The following NLRP2 variants were observed in gnomAD, a reference collection of about 807,000 sequenced individuals.
NLRP2 encodes the protein NLR family pyrin domain containing 2.
In NLRP2, 107 loss-of-function variants were observed where a neutral mutation model predicts 97.2. The observed-to-expected ratio is 1.10, with a 90% confidence interval of 0.94 to 1.29. The LOEUF is 1.29. Among genes scored for constraint, NLRP2 ranks in the 50% most tolerant of loss-of-function variants. The pLI, the probability that NLRP2 is intolerant of heterozygous loss-of-function variation, is 0.00. For synonymous variants in NLRP2, 663 were observed against 551.5 expected, an observed-to-expected ratio of 1.20 and a Z score of -2.83; for missense variants, 1,495 against 1,330.3, an observed-to-expected ratio of 1.12 and a Z score of -1.93.
At chr19:54,997,601 C>A in intron 12 of NLRP2, 114 bp downstream of exon 12, 2 of 1,078,062 alleles carry the variant, frequency 1.9e-6, no homozygotes, top group East Asian at 2.4e-5. Flanking sequence ...TACAGGTTCC[C>A]GCCATCACAC....
At chr19:54,983,864 G>GGAATTAGGAATTGGGGCTTTTTAT in intron 6 of NLRP2, 136 bp downstream of exon 6, 1 of 1,326,142 alleles carries the variant, frequency 7.5e-7, no homozygotes, top group Non-Finnish European at 1.1e-6. Context: ...GTTTGTTTTT[G>GGAATTAGGAATTGGGGCTTTTTAT]TTTTGAGATG....
intron 7 of NLRP2, among the ~76,000 whole-genome samples, chr19:54,985,603 A>G (rs2072003540): frequency 6.9e-6 from 1 of 144,976 alleles, no homozygotes; most frequent in Non-Finnish European, 1.5e-5. Context: ...ACTTGAACCC[A>G]GGAGGCGGAG....
Position 54,974,532 on chromosome 19 carries a change from C to T in NLRP2, c.313C>T (p.Pro105Ser). The change falls in exon 3 of 13, where the codon CCT (proline) becomes TCT (serine). Residue 105 changes from proline (P) to serine (S), a missense_variant. Coordinates refer to ENST00000448584, the MANE Select transcript of NLRP2 (RefSeq NM_017852.5). ...AALKSFNKRK[P>S]LSLGITRKER... ...TTTGAAATCCTTTAATAAAAGGAAG[C>T]CTCTATCATTAGGTAAGTTACCTCA... The T allele has an allele frequency of 6.2e-7, 1 of 1,604,970 alleles. No homozygotes were observed. The highest frequency in any genetic ancestry group is 8.5e-7 in the Non-Finnish European group (1 of 1,171,732).
chr19:54,975,287 A>T (rs1241643215), intron 3 of NLRP2, among the ~76,000 whole-genome samples: 5 of 143,324 alleles, frequency 3.5e-5, no homozygotes, highest in Non-Finnish European at 7.5e-5. Context: ...TGCCTGGCTA[A>T]TTTTTTTCAC....
intron 10 of NLRP2, 108 bp from the exon 11 acceptor site, chr19:54,994,161 A>G: frequency 8.6e-7 from 1 of 1,161,836 alleles, no homozygotes; most frequent in South Asian, 1.2e-5. Flanking sequence ...TTTCCATGTC[A>G]CCACTGTCTC....
intron 6 of NLRP2, among the ~76,000 whole-genome samples, chr19:54,984,053 G>C (rs1225655668): frequency 2.0e-5 from 3 of 152,132 alleles, no homozygotes; most frequent in Non-Finnish European, 4.4e-5. Context: ...ATCTCAGCAT[G>C]TTGGCCAGTC....
intron 8 of NLRP2, among the ~76,000 whole-genome samples, chr19:54,989,033 C>G (rs896979904): frequency 1.3e-5 from 2 of 152,000 alleles, no homozygotes; most frequent in African/African-American, 4.8e-5. Context: ...TCTCGGCTTA[C>G]TGCAACCTCC....
intron 3 of NLRP2, among the ~76,000 whole-genome samples, chr19:54,976,350 G>A (rs1192525661): frequency 6.6e-6 from 1 of 150,796 alleles, no homozygotes; most frequent in Non-Finnish European, 1.5e-5. Context: ...ACTGCGCCTG[G>A]TCTCATGAAG....
Position 54,986,242 on chromosome 19 carries a change from A to G in NLRP2, c.2293A>G (p.Asn765Asp). Residue 765 changes from asparagine (N) to aspartate (D), a missense_variant, in exon 8 of 13, where the codon AAT becomes GAT. Coordinates refer to ENST00000448584, the MANE Select transcript of NLRP2 (RefSeq NM_017852.5). ...KTVTYLTLQGNDQDDMFPALC... is the reference protein window; with the variant it reads ...KTVTYLTLQGDDQDDMFPALC... ...TGTAACGTATCTGACCCTTCAAGGC[A>G]ATGACCAGGATGATATGTTTCCCGC... 4.3e-6 allele frequency: 7 copies of G among 1,613,968 alleles called. No homozygotes were observed. Among genetic ancestry groups the G allele is most frequent in the Non-Finnish European group, 5.9e-6 (7 of 1,179,886 alleles).
rs2071802866 is a variant in NLRP2, at chr19:54,983,561, G to T, written c.1863G>T (p.Val621=). The T allele has an allele frequency of 3.1e-6, 5 of 1,614,048 alleles. No homozygotes were observed. Among genetic ancestry groups the T allele is most frequent in the African/African-American group, 1.3e-5 (1 of 74,928 alleles). Residue 621 remains valine (V), a synonymous_variant, in exon 6 of 13, where the codon GTG becomes GTT. Transcript: ENST00000448584. ...ESQEEELVKE[V]MAQFKEISLH... is the part of the protein sequence containing the mutation. ...AGGAGGAGGAGCTGGTGAAGGAGGT[G>T]ATGGCTCAGTTCAAAGAAATATCCC...
chr19:54,973,759 G>A (rs1238044669), intron 2 of NLRP2: 2 of 525,578 alleles, frequency 3.8e-6, no homozygotes, highest in Non-Finnish European at 7.5e-6. Context: ...ACTTACGAAG[G>A]TCTGGGCTCT....
chr19:54,971,986 G>A (rs556712770), intron 2 of NLRP2, among the ~76,000 whole-genome samples: 299 of 139,564 alleles, frequency 2.1e-3, no homozygotes, highest in Middle Eastern at 0.011. Context: ...GTCCCACCAT[G>A]CCTGGCTGAT....
chr19:54,980,473 C>T lies in NLRP2; in HGVS notation c.398-1144C>T, dbSNP rs544486346. On this transcript the variant is annotated intron_variant, in intron 4 of 12. Transcript: ENST00000448584. ...CCTCCCAAAGTGCTGGGATTACAGG[C>T]GTGAGCCACCGCGCCCAGCCGCGGG... 5.9e-5 allele frequency among the ~76,000 whole-genome samples: 9 copies of T among 152,298 alleles called. No homozygotes were observed. In the South Asian group the frequency reaches 1.9e-3, roughly 32 times the overall value.
intron 11 of NLRP2, among the ~76,000 whole-genome samples, 161 bp from the exon 12 acceptor site, chr19:54,997,156 C>T (rs907544390): frequency 5.9e-5 from 9 of 152,158 alleles, no homozygotes; most frequent in Non-Finnish European, 1.3e-4. Context: ...CCATCCACCT[C>T]GGCCTCCCAA....
intron 3 of NLRP2, among the ~76,000 whole-genome samples, chr19:54,975,644 G>A (rs1454441918): frequency 3.3e-5 from 5 of 151,558 alleles, no homozygotes; most frequent in Non-Finnish European, 7.4e-5. Context: ...AGTAGAGACG[G>A]GGTTTCACCG....
intron 7 of NLRP2, 101 bp downstream of exon 7, chr19:54,985,318 T>A: frequency 1.8e-6 from 2 of 1,093,770 alleles, no homozygotes; most frequent in Admixed American, 3.5e-5. Flanking sequence ...GACTCTTAAG[T>A]GCTCGAGACA....
At chr19:54,979,000 T>C (rs778062450) in intron 4 of NLRP2, among the ~76,000 whole-genome samples, 4 of 151,780 alleles carry the variant, frequency 2.6e-5, no homozygotes, top group Non-Finnish European at 4.4e-5. Context: ...TTTTTTTGTT[T>C]TTGAAATAGA....
chr19:54,983,097 C>A lies in NLRP2; in HGVS notation c.1399C>A (p.Arg467=). 1.2e-6 allele frequency: 2 copies of A among 1,613,422 alleles called. No homozygotes were observed. The highest frequency in any genetic ancestry group is 1.7e-6 in the Non-Finnish European group (2 of 1,179,972). ...GTGGGCGCAGACGTCCGTGCTTCAC[C>A]GAGAGGATCTGGAAAGGCTCGGGGT... ...GLWAQTSVLH[R]EDLERLGVQE... is the part of the protein sequence containing the mutation. Residue 467 remains arginine, a synonymous_variant, in exon 6 of 13, where the codon CGA becomes AGA. Coordinates refer to ENST00000448584, the MANE Select transcript of NLRP2 (RefSeq NM_017852.5).
In NLRP2 at chr19:54,967,562, A is replaced by T. The variant is rs2070539551; in HGVS notation, c.-18+1095A>T. Among the ~76,000 whole-genome samples, 5 of 152,186 alleles carry T rather than the reference A, an allele frequency of 3.3e-5. 1 individual carries two copies. The South Asian group carries it at 8.3e-4, about 25-fold the overall frequency. On this transcript the variant is annotated intron_variant, in intron 1 of 12. Coordinates refer to ENST00000448584, the MANE Select transcript of NLRP2 (RefSeq NM_017852.5). The stretch of plus-strand genomic sequence containing the variant: ...CTTAGATCTAGAGAGACTCTAGTTA[A>T]GGTTGGCTCATAAGAGGATAGTTGT...
Sources: allele counts gnomAD v4.1 joint callset (sites outside exome capture counted in the v4.1 genomes callset), GRCh38; gene constraint gnomAD v4.1.1; transcripts MANE v1.5; gene names NCBI Gene and HGNC (gene_info 2026-07-23, HGNC 2026-07-21).